Variants in SGCZ observed in about 807,000 individuals in gnomAD.
SGCZ encodes the protein zeta-sarcoglycan.
Under a neutral mutation model 41.3 loss-of-function variants are expected in SGCZ, and 40 were observed. The ratio of observed to expected loss-of-function variants is 0.97; its 90% CI spans 0.75 to 1.26. The LOEUF (loss-of-function observed/expected upper bound fraction) is 1.26. SGCZ is among the 50% of genes most tolerant of loss of function. SGCZ has a pLI of 0.00. For synonymous variants in SGCZ, 206 were observed against 137.5 expected (o/e 1.50, Z -3.49); for missense variants, 552 against 369.8 (o/e 1.49, Z -4.04).
At chr8:14,380,466 T>G (rs1476314534) in intron 2 of SGCZ, among the ~76,000 whole-genome samples, 4 of 152,238 alleles carry the variant, frequency 2.6e-5, no homozygotes, top group Admixed American at 2.6e-4. Context: ...GGCTAGTGAC[T>G]GTTCTAAATT....
chr8:14,602,998 A>G (rs1380544905), intron 1 of SGCZ, among the ~76,000 whole-genome samples: 2 of 152,190 alleles, frequency 1.3e-5, no homozygotes, highest in Non-Finnish European at 2.9e-5. Flanking sequence ...AGGGAAAAAA[A>G]GCCATGCTTA....
chr8:14,271,169 C>G (rs568182243), intron 3 of SGCZ, among the ~76,000 whole-genome samples: 1 of 151,106 alleles, frequency 6.6e-6, no homozygotes, highest in East Asian at 1.9e-4. Flanking sequence ...GCACGTTGTG[C>G]ACATGTACCG....
chr8:14,626,613 G>C (rs1244639294), intron 1 of SGCZ, among the ~76,000 whole-genome samples: 5 of 152,034 alleles, frequency 3.3e-5, no homozygotes, highest in Admixed American at 6.6e-5. Flanking sequence ...ACTGACTGGT[G>C]TCCTCATAAA....
chr8:15,237,259 C>CG (rs386412152), intron 1 of SGCZ, among the ~76,000 whole-genome samples: 4 of 151,980 alleles, frequency 2.6e-5, no homozygotes, highest in African/African-American at 9.7e-5. Flanking sequence ...GCTGCCCCCC[C>CG]CGGGGAGACG....
At chr8:15,130,122 G>A (rs995823656) in intron 1 of SGCZ, among the ~76,000 whole-genome samples, 8 of 151,988 alleles carry the variant, frequency 5.3e-5, no homozygotes, top group East Asian at 1.9e-4. Flanking sequence ...CTTCTCTATC[G>A]GGAGGTTTTG....
intron 1 of SGCZ, among the ~76,000 whole-genome samples, chr8:14,800,787 A>C (rs1218277584): frequency 6.6e-6 from 1 of 152,204 alleles, no homozygotes; most frequent in African/African-American, 2.4e-5. Flanking sequence ...AGTGTCTAGT[A>C]TGTTTTATAG....
At chr8:14,466,191 G>A (rs545835087) in intron 2 of SGCZ, among the ~76,000 whole-genome samples, 13 of 151,948 alleles carry the variant, frequency 8.6e-5, no homozygotes, top group South Asian at 2.1e-4. Flanking sequence ...TTCTTTATCC[G>A]AGAATGTCTT....
At chr8:15,093,897 C>T (rs769968164) in intron 1 of SGCZ, among the ~76,000 whole-genome samples, 6 of 152,128 alleles carry the variant, frequency 3.9e-5, no homozygotes, top group Non-Finnish European at 7.3e-5. Context: ...TCACAAATCA[C>T]ATTACAGTAG....
At chr8:14,383,042 T>C (rs1418741423) in intron 2 of SGCZ, among the ~76,000 whole-genome samples, 2 of 152,116 alleles carry the variant, frequency 1.3e-5, no homozygotes, top group Non-Finnish European at 1.5e-5. Context: ...CCAATAGAGA[T>C]ACAGCTCATG....
At chr8:14,436,304 G>A (rs1021379927) in intron 2 of SGCZ, among the ~76,000 whole-genome samples, 1 of 152,164 alleles carries the variant, frequency 6.6e-6, no homozygotes, top group Non-Finnish European at 1.5e-5. Flanking sequence ...TAAGAGCGAA[G>A]AATAATATTC....
At chr8:14,894,603 C>A (rs1805127151) in intron 1 of SGCZ, among the ~76,000 whole-genome samples, 1 of 152,108 alleles carries the variant, frequency 6.6e-6, no homozygotes, top group African/African-American at 2.4e-5. Flanking sequence ...CACAGTTTTT[C>A]ATACCCCGAG....
intron 1 of SGCZ, among the ~76,000 whole-genome samples, chr8:15,052,489 C>T (rs924731583): frequency 1.3e-5 from 2 of 152,118 alleles, no homozygotes; most frequent in African/African-American, 4.8e-5. Flanking sequence ...ATCTGTGCAT[C>T]TGACAGTGTC....
At chr8:14,508,043 T>C (rs143732270) in intron 2 of SGCZ, among the ~76,000 whole-genome samples, 3,856 of 152,224 alleles carry the variant, frequency 0.025, 117 homozygotes, top group African/African-American at 0.07. Flanking sequence ...AGTGCTAGGA[T>C]TACCGGCGTG....
chr8:15,091,850 T>G (rs1806163805), intron 1 of SGCZ, among the ~76,000 whole-genome samples: 2 of 152,170 alleles, frequency 1.3e-5, no homozygotes, highest in African/African-American at 2.4e-5. Context: ...CATCCTGGGC[T>G]CAGGTGATCC....
chr8:14,215,641 T>G (rs1312032107), intron 4 of SGCZ, among the ~76,000 whole-genome samples: 1 of 152,034 alleles, frequency 6.6e-6, no homozygotes, highest in Non-Finnish European at 1.5e-5. Context: ...ATCACCAATA[T>G]CACAAAAGAA....
chr8:14,934,924 GA>G (rs201202857), intron 1 of SGCZ, among the ~76,000 whole-genome samples: 9 of 139,758 alleles, frequency 6.4e-5, no homozygotes, highest in South Asian at 2.2e-4. Context: ...TCCCAGTACT[GA>G]AAAAAAAATA....
intron 1 of SGCZ, among the ~76,000 whole-genome samples, chr8:15,043,801 G>A (rs1420725117): frequency 3.9e-5 from 6 of 152,044 alleles, no homozygotes; most frequent in Admixed American, 6.6e-5. Flanking sequence ...TTTTCTAAAC[G>A]TTTTCCTAAG....
At chr8:15,194,992 A>G (rs1800674861) in intron 1 of SGCZ, among the ~76,000 whole-genome samples, 1 of 152,216 alleles carries the variant, frequency 6.6e-6, no homozygotes, top group African/African-American at 2.4e-5. Flanking sequence ...ATGACTGATC[A>G]TTTATTTTAG....
In SGCZ at chr8:14,717,972, G is replaced by C. The variant is rs544528074; in HGVS notation, c.40-163046C>G. Among the ~76,000 whole-genome samples the C allele has an allele frequency of 3.1e-5, 4 of 128,710 alleles. No homozygotes were observed. In the South Asian group the frequency reaches 9.0e-4, roughly 29 times the overall value. The allele number at this position is 128,710 out of a possible 152,430, so 84.4% of individuals were successfully genotyped here. On this transcript the variant is annotated intron_variant, in intron 1 of 7. Transcript: ENST00000382080. ...TTTTATCAACTTGCTAGTAGAACCT[G>C]GATAAATGTAAATTCTAAAATAAGA...
Sources: gnomAD v4.1 joint callset for allele counts (sites outside exome capture counted in the v4.1 genomes callset) on GRCh38, gnomAD v4.1.1 for gene constraint, MANE v1.5 for transcripts, NCBI Gene and HGNC (gene_info 2026-07-23, HGNC 2026-07-21) for gene names.